Variants in STAT5B observed in about 807,000 individuals in gnomAD.
STAT5B encodes signal transducer and activator of transcription 5B, also known as transcription factor STAT5B.
Under a neutral mutation model 107.8 loss-of-function variants are expected in STAT5B, and 21 were observed. The observed-to-expected ratio is 0.19, with a 90% CI of 0.14 to 0.28. The LOEUF is 0.28. Among genes scored for constraint, STAT5B ranks in the 10% least tolerant of loss-of-function variants. The probability of loss-of-function intolerance (pLI) is 1.00; values close to 1 mark genes in which losing one functional copy is unlikely to be tolerated. For synonymous variants in STAT5B, 325 were observed against 401.7 expected (o/e 0.81, Z 2.28); for missense variants, 565 against 1,008.2 (o/e 0.56, Z 5.95).
the STAT5B span, among the ~76,000 whole-genome samples, chr17:42,283,101 G>A: frequency 6.6e-6 from 1 of 152,200 alleles, no homozygotes. Context: ...CAGCCCCCTC[G>A]CACACAACCC....
chr17:42,285,480 G>A, the STAT5B span, among the ~76,000 whole-genome samples: 3 of 152,168 alleles, frequency 2.0e-5, no homozygotes, highest in Non-Finnish European at 4.4e-5. Context: ...AGAGCAGTTA[G>A]GGGCAAGGAG....
At chr17:42,260,544 G>A (rs2080585861) in intron 1 of STAT5B, among the ~76,000 whole-genome samples, 1 of 151,800 alleles carries the variant, frequency 6.6e-6, no homozygotes, top group Non-Finnish European at 1.5e-5. Flanking sequence ...AAGTAGCTGG[G>A]ACTATAGGTG....
At chr17:42,238,237 G>A (rs964734765) in intron 1 of STAT5B, among the ~76,000 whole-genome samples, 1 of 150,932 alleles carries the variant, frequency 6.6e-6, no homozygotes, top group Non-Finnish European at 1.5e-5. Context: ...GGGCTTGAGG[G>A]ATACTCCTAC....
chr17:42,257,377 AAC>A (rs993736879), intron 1 of STAT5B, among the ~76,000 whole-genome samples: 8 of 128,772 alleles, frequency 6.2e-5, no homozygotes, highest in Non-Finnish European at 1.6e-5. Flanking sequence ...CACAACATCA[AAC>A]AGGGGGATTA....
intron 17 of STAT5B, 86 bp downstream of exon 17, chr17:42,202,671 A>G: frequency 1.2e-6 from 2 of 1,606,984 alleles, no homozygotes; most frequent in Non-Finnish European, 1.7e-6. Flanking sequence ...GGGGAGCGGA[A>G]AGCTGGGCCA....
chr17:42,236,741 A>C (rs1195442761), intron 1 of STAT5B, among the ~76,000 whole-genome samples: 2 of 152,138 alleles, frequency 1.3e-5, no homozygotes, highest in Non-Finnish European at 2.9e-5. Context: ...CTGGCAGTTA[A>C]GTAGTATTTT....
intron 1 of STAT5B, among the ~76,000 whole-genome samples, chr17:42,265,861 G>A (rs1049302511): frequency 1.3e-5 from 2 of 151,882 alleles, no homozygotes; most frequent in Admixed American, 1.3e-4. Context: ...TTCCAGTATG[G>A]GTGAACACTG....
chr17:42,207,659 C>G lies in STAT5B; in HGVS notation c.1976G>C (p.Arg659Pro). The G allele has an allele frequency of 1.2e-6, 2 of 1,614,084 alleles. No individual in the cohort carries two copies. Among genetic ancestry groups the G allele is most frequent in the Non-Finnish European group, 1.7e-6 (2 of 1,180,000 alleles). Residue 659 changes from arginine (R) to proline (P), a missense_variant, in exon 16 of 19, where the codon CGC (arginine) becomes CCC (proline). Arg to Pro is a moderately radical substitution (Grantham distance 103, BLOSUM62 -2). Transcript: ENST00000293328. ...GATAAGGTAATTCAAGTCTCCCAAG[C>G]GGTCGGCTAGGGACCGAATGGAGAA... is the stretch of plus-strand genomic sequence containing the variant. ...RDFSIRSLAD[R>P]LGDLNYLIYV...
chr17:42,272,874 G>A (rs1015630097), intron 1 of STAT5B, among the ~76,000 whole-genome samples: 4 of 152,146 alleles, frequency 2.6e-5, no homozygotes, highest in Non-Finnish European at 5.9e-5. Context: ...TCAAAAGTGA[G>A]GGTCTCATTC....
chr17:42,285,034 T>G, the STAT5B span, among the ~76,000 whole-genome samples: 9 of 152,202 alleles, frequency 5.9e-5, no homozygotes, highest in Admixed American at 1.3e-4. Context: ...CAGACTATTA[T>G]TATTCCTAAT....
intron 1 of STAT5B, among the ~76,000 whole-genome samples, chr17:42,261,178 G>T (rs953747867): frequency 6.6e-6 from 1 of 152,074 alleles, no homozygotes; most frequent in Admixed American, 6.6e-5. Context: ...AAAGTGTTAG[G>T]ATTACAGGCA....
intron 3 of STAT5B, 77 bp downstream of exon 3, chr17:42,227,452 G>A (rs1483515992): frequency 6.2e-7 from 1 of 1,601,588 alleles, no homozygotes; most frequent in Non-Finnish European, 8.5e-7. Context: ...CTGGACTGAA[G>A]GAGAGAAAGA....
intron 5 of STAT5B, among the ~76,000 whole-genome samples, chr17:42,220,737 G>A (rs2080218512): frequency 6.6e-6 from 1 of 152,170 alleles, no homozygotes; most frequent in Non-Finnish European, 1.5e-5. Context: ...CACCATCTGT[G>A]AGGAGTCTCA....
chr17:42,240,806 A>G (rs372508046), intron 1 of STAT5B, among the ~76,000 whole-genome samples: 1 of 152,144 alleles, frequency 6.6e-6, no homozygotes, highest in East Asian at 1.9e-4. Flanking sequence ...TTTTCTATGT[A>G]CTTTTCTGCC....
chr17:42,254,961 T>G (rs2080530234), intron 1 of STAT5B, among the ~76,000 whole-genome samples: 1 of 151,882 alleles, frequency 6.6e-6, no homozygotes, highest in South Asian at 2.1e-4. Flanking sequence ...TGTGGTGGCA[T>G]GCGCCTGTAG....
intron 1 of STAT5B, among the ~76,000 whole-genome samples, chr17:42,273,597 G>A (rs1440134719): frequency 6.6e-6 from 1 of 152,166 alleles, no homozygotes; most frequent in Non-Finnish European, 1.5e-5. Flanking sequence ...AGAAATCTGT[G>A]AATAACTTTA....
chr17:42,268,273 C>T (rs2080691358), intron 1 of STAT5B, among the ~76,000 whole-genome samples: 1 of 152,118 alleles, frequency 6.6e-6, no homozygotes, highest in African/African-American at 2.4e-5. Flanking sequence ...TGTTTAGATA[C>T]ACAAATACTT....
chr17:42,221,578 T>C (rs1399326683), intron 5 of STAT5B, among the ~76,000 whole-genome samples: 2 of 152,204 alleles, frequency 1.3e-5, no homozygotes, highest in East Asian at 3.9e-4. Context: ...GGATCAGAAA[T>C]ACTGTTGACA....
chr17:42,203,414 A>T (rs1024669390), intron 16 of STAT5B, among the ~76,000 whole-genome samples: 6 of 140,268 alleles, frequency 4.3e-5, no homozygotes, highest in South Asian at 2.2e-4. Context: ...CATACTAATT[A>T]AAAAAAAAAA....
Sources: allele counts gnomAD v4.1 joint callset (sites outside exome capture counted in the v4.1 genomes callset), GRCh38; gene constraint gnomAD v4.1.1; transcripts MANE v1.5; gene names NCBI Gene and HGNC (gene_info 2026-07-23, HGNC 2026-07-21).